Variants in SRRM1 observed in about 807,000 individuals in gnomAD.
SRRM1 encodes serine/arginine repetitive matrix protein 1.
SRRM1 carries 19 observed loss-of-function variants against 110.2 expected under a neutral mutation model. That is an observed-to-expected ratio of 0.17 (90% CI 0.12 to 0.25). The LOEUF (loss-of-function observed/expected upper bound fraction) is 0.25, where lower values mean the gene tolerates loss of function less well. Ranked by LOEUF, SRRM1 falls within the 10% of genes least tolerant of loss-of-function variation. The probability of loss-of-function intolerance (pLI) is 1.00; values close to 1 mark genes in which losing one functional copy is unlikely to be tolerated. For missense variants in SRRM1, 918 were observed against 1,145.8 expected (o/e 0.80, Z 2.87); for synonymous variants, 443 against 414.9 (o/e 1.07, Z -0.82).
intron 3 of SRRM1, 31 bp from the exon 4 acceptor site, chr1:24,648,828 C>T (rs756425654): frequency 6.2e-7 from 1 of 1,600,206 alleles, no homozygotes. Context: ...TTGAAGTAAC[C>T]TGTTTTTCTT....
Position 24,669,009 on chromosome 1 carries a change from A to G in SRRM1, c.1740-114A>G, listed in dbSNP as rs1248064572. 5.1e-6 allele frequency: 4 copies of G among 777,272 alleles called. No homozygotes were observed. In the East Asian group the frequency reaches 8.0e-5, roughly 16 times the overall value. The allele number at this position is 777,272 out of a possible 1,614,324, so 48.1% of individuals were successfully genotyped here. A position where few individuals can be genotyped will look rare whatever the true frequency, so the allele number is the denominator to read the frequency against. ...ATAAAGATAGCATGTTCACTTATAA[A>G]TATATTCCCTTTGCCTAGTGCTAAC... On this transcript the variant is annotated intron_variant, in intron 13 of 16. Coordinates refer to ENST00000323848, the MANE Select transcript of SRRM1 (RefSeq NM_005839.4).
In SRRM1 at chr1:24,649,638, G is replaced by A. The variant is rs572265013; in HGVS notation, c.406-333G>A. On this transcript the variant is annotated intron_variant, in intron 4 of 16. Coordinates refer to ENST00000323848, the MANE Select transcript of SRRM1 (RefSeq NM_005839.4). ...AACTCTTAATATGGGCAATACAGATGAACTCCCAGAAAGAATAAGGTCAAT... is the reference window on the plus strand; with the variant it reads ...AACTCTTAATATGGGCAATACAGATAAACTCCCAGAAAGAATAAGGTCAAT... 6.6e-5 allele frequency among the ~76,000 whole-genome samples: 10 copies of A among 152,304 alleles called. No homozygotes were observed. The South Asian group carries it at 2.1e-3, about 32-fold the overall frequency.
chr1:24,666,952 G>A (rs763382418), intron 13 of SRRM1, 27 bp downstream of exon 13: 13 of 1,511,350 alleles, frequency 8.6e-6, no homozygotes, highest in African/African-American at 1.4e-5. Flanking sequence ...GCTAACTGGA[G>A]CATCTCCCCA....
rs950269092 is a variant in SRRM1, at chr1:24,648,757, A to G, written c.235-102A>G. 5 of 1,022,564 alleles carry G rather than the reference A, an allele frequency of 4.9e-6. No homozygotes were observed. In the African/African-American group the frequency reaches 8.1e-5, roughly 17 times the overall value. The allele number at this position is 1,022,564 out of a possible 1,614,324, so 63.3% of individuals were successfully genotyped here. A position where few individuals can be genotyped will look rare whatever the true frequency, so the allele number is the denominator to read the frequency against. ...ATATATATGTCTAAGCCCCTATGGT[A>G]GACTTAAAAAATACTAATTTAAATG... On this transcript the variant is annotated intron_variant, in intron 3 of 16. Transcript: ENST00000323848.
chr1:24,662,945 G>GT (rs2148619652), intron 12 of SRRM1, 141 bp downstream of exon 12: 1 of 1,200,138 alleles, frequency 8.3e-7, no homozygotes, highest in East Asian at 2.5e-5. Context: ...TAGGGTTTCT[G>GT]TTTTGTTTTG....
At chr1:24,645,641 T>C (rs1657046085) in intron 1 of SRRM1, among the ~76,000 whole-genome samples, 1 of 152,218 alleles carries the variant, frequency 6.6e-6, no homozygotes, top group Non-Finnish European at 1.5e-5. Context: ...CTTCAATGTG[T>C]TCTCATTTAA....
At chr1:24,667,193 A>T (rs1203415909) in intron 13 of SRRM1, among the ~76,000 whole-genome samples, 1 of 152,218 alleles carries the variant, frequency 6.6e-6, no homozygotes, top group Non-Finnish European at 1.5e-5. Flanking sequence ...AAAGTCTAGA[A>T]TACACAAATC....
chr1:24,648,972 C>T lies in SRRM1; in HGVS notation c.348C>T (p.Ile116=), dbSNP rs778833379. 1.5e-5 allele frequency: 24 copies of T among 1,613,750 alleles called. No homozygotes were observed. In the Admixed American group the frequency reaches 1.7e-4, roughly 11 times the overall value. Residue 116 remains isoleucine (I), a synonymous_variant, in exon 4 of 17, where the codon ATC becomes ATT. Coordinates refer to ENST00000323848, the MANE Select transcript of SRRM1 (RefSeq NM_005839.4). ...TGCTGCTAAGTGCACAAGAAAACAT[C>T]GCGGGAATCCCTTCTGCTTTCCTAG... The part of the protein sequence containing the change: ...WPLLLSAQEN[I]AGIPSAFLEL...
In SRRM1 at chr1:24,646,676, A is replaced by T. The variant is rs773761516; in HGVS notation, c.121A>T (p.Ser41Cys). Residue 41 changes from serine (S) to cysteine (C), a missense_variant, in exon 3 of 17, where the codon AGC becomes TGC. Coordinates refer to ENST00000323848, the MANE Select transcript of SRRM1 (RefSeq NM_005839.4). Reference sequence around the variant, plus strand: ...TTCTATGTTTCATCAGGTGGACATGAGCAAAGTAAATTTGGAGGTTATAAA... The same window carrying T: ...TTCTATGTTTCATCAGGTGGACATGTGCAAAGTAAATTTGGAGGTTATAAA... ...AECLEKKVDM[S>C]KVNLEVIKPW... is the part of the protein sequence containing the mutation. 1.3e-5 allele frequency: 20 copies of T among 1,594,644 alleles called. No individual in the cohort carries two copies. The East Asian group carries it at 1.6e-4, about 13-fold the overall frequency.
intron 3 of SRRM1, chr1:24,648,444 G>A (rs764565573): frequency 9.6e-5 from 15 of 156,528 alleles, no homozygotes; most frequent in Non-Finnish European, 1.7e-4. Context: ...GTGTTAGGGA[G>A]CAGTTTATGT....
At chr1:24,652,053 T>TATATATATATATATATATATATATAG (rs1434684262) in intron 6 of SRRM1, among the ~76,000 whole-genome samples, 1 of 131,774 alleles carries the variant, frequency 7.6e-6, no homozygotes, top group Non-Finnish European at 1.6e-5. Context: ...TATATATATA[T>TATATATATATATATATATATATATAG]ATATATATAT....
Position 24,649,039 on chromosome 1 carries a change from T to C in SRRM1, c.405+10T>C. The stretch of plus-strand genomic sequence containing the variant: ...AATAAAACAAAGACAGGTAATAACC[T>C]TTTCTTTTCTGTAATGTCGATTTGA... On this transcript the variant is annotated intron_variant, in intron 4 of 16. Coordinates refer to ENST00000323848, the MANE Select transcript of SRRM1 (RefSeq NM_005839.4). 6.2e-7 allele frequency: 1 copy of C among 1,608,964 alleles called. No homozygotes were observed. The highest frequency in any genetic ancestry group is 2.2e-5 in the East Asian group (1 of 44,858).
chr1:24,654,555 A>T (rs578158565), intron 8 of SRRM1, among the ~76,000 whole-genome samples: 53 of 152,228 alleles, frequency 3.5e-4, no homozygotes, highest in Non-Finnish European at 7.5e-4. Flanking sequence ...ACCATTCCTA[A>T]GGCAGAAGGA....
Position 24,672,364 on chromosome 1 carries a change from G to C in SRRM1, c.*78G>C. The stretch of plus-strand genomic sequence containing the variant: ...TTCAAAATTGCTAAAATGTGTTTGA[G>C]CTTTAGACTATAACATTTGTTGTAA... On this transcript the variant is annotated 3_prime_UTR_variant, in exon 17 of 17. Coordinates refer to ENST00000323848, the MANE Select transcript of SRRM1 (RefSeq NM_005839.4). 1.0e-6 allele frequency: 1 copy of C among 961,870 alleles called. No individual in the cohort carries two copies. Among genetic ancestry groups the C allele is most frequent in the Non-Finnish European group, 1.6e-6 (1 of 638,316 alleles). 59.6% of individuals were successfully genotyped at this position (961,870 alleles called of 1,614,324 possible).
intron 14 of SRRM1, chr1:24,669,916 C>T (rs1400239859): frequency 3.5e-6 from 2 of 574,824 alleles, no homozygotes; most frequent in Non-Finnish European, 6.1e-6. Flanking sequence ...GCATCATTAA[C>T]AGAATAGATA....
In SRRM1 at chr1:24,651,724, A is replaced by C. The variant is rs1018205015; in HGVS notation, c.725+112A>C. On this transcript the variant is annotated intron_variant, in intron 6 of 16. Transcript: ENST00000323848. ...ACTTATTTTCCTTTTAGATTTTTTA[A>C]ATTATAAAATTAGTTTGTTGAAAAG... is the stretch of plus-strand genomic sequence containing the variant. 20 of 901,364 alleles carry C rather than the reference A, an allele frequency of 2.2e-5. No individual in the cohort carries two copies. The South Asian group carries it at 3.8e-4, about 17-fold the overall frequency. 55.8% of individuals were successfully genotyped at this position (901,364 alleles called of 1,614,324 possible).
At chr1:24,661,161 G>T in intron 10 of SRRM1, 149 bp from the exon 11 acceptor site, 1 of 580,286 alleles carries the variant, frequency 1.7e-6, no homozygotes, top group Non-Finnish European at 3.1e-6. Flanking sequence ...CTGTGAATTG[G>T]CATTTTAAAC....
intron 8 of SRRM1, chr1:24,654,164 A>C: frequency 2.0e-6 from 1 of 489,702 alleles, no homozygotes; most frequent in South Asian, 1.8e-5. Flanking sequence ...GGAAACAGCT[A>C]TTTCTTATAC....
chr1:24,658,315 A>C (rs980443595), intron 9 of SRRM1, among the ~76,000 whole-genome samples: 1 of 151,586 alleles, frequency 6.6e-6, no homozygotes, highest in Non-Finnish European at 1.5e-5. Flanking sequence ...GGTTCAAGCA[A>C]TTCTCCTGCC....
Sources: gnomAD v4.1 joint callset for allele counts (sites outside exome capture counted in the v4.1 genomes callset) on GRCh38, gnomAD v4.1.1 for gene constraint, MANE v1.5 for transcripts, NCBI Gene and HGNC (gene_info 2026-07-23, HGNC 2026-07-21) for gene names.